FKBP1B: variants seen among roughly 807,000 people sequenced by gnomAD.
FKBP1B encodes the protein peptidyl-prolyl cis-trans isomerase FKBP1B.
In FKBP1B, 4 loss-of-function variants were observed where a neutral mutation model predicts 13.5. That is an observed-to-expected ratio of 0.30 (90% confidence interval 0.15 to 0.68). FKBP1B has a LOEUF of 0.68. FKBP1B is among the 30% of genes least tolerant of loss of function. The probability of loss-of-function intolerance (pLI) is 0.76; values close to 1 mark genes in which losing one functional copy is unlikely to be tolerated. For missense variants in FKBP1B, 93 were observed against 136.2 expected (o/e 0.68, Z 1.58); for synonymous variants, 54 against 53.6 (o/e 1.01, Z -0.03).
Position 24,060,830 on chromosome 2 carries a change from G to A in FKBP1B, c.102G>A (p.Gly34=), listed in dbSNP as rs770316941. Residue 34 remains glycine (G), a synonymous_variant, in exon 3 of 4, where the codon GGG becomes GGA. Coordinates refer to ENST00000380986, the MANE Select transcript of FKBP1B (RefSeq NM_004116.5). ...CTTTGACAGGAATGCTCCAAAATGG[G>A]AAGAAGTTTGATTCATCCAGAGACA... is the stretch of plus-strand genomic sequence containing the variant. ...VVHYTGMLQN[G]KKFDSSRDRN... is the part of the protein sequence containing the mutation. 5.6e-6 allele frequency: 9 copies of A among 1,613,928 alleles called. No individual in the cohort carries two copies. In the African/African-American group the frequency reaches 1.1e-4, roughly 19 times the overall value.
At chr2:24,052,947 T>G (rs1663947181) in intron 1 of FKBP1B, among the ~76,000 whole-genome samples, 1 of 152,008 alleles carries the variant, frequency 6.6e-6, no homozygotes. Context: ...CACTCCAGCC[T>G]GGGTGACACA....
intron 1 of FKBP1B, among the ~76,000 whole-genome samples, chr2:24,052,019 C>G (rs1223300191): frequency 6.6e-6 from 1 of 152,234 alleles, no homozygotes; most frequent in African/African-American, 2.4e-5. Context: ...AATAGTTGCA[C>G]TATTCATCCA....
At position 24,054,104 on chromosome 2, in the gene FKBP1B, C is replaced by T. The variant is rs190430161; in HGVS notation, c.85+155C>T. ...ACCAGCCATCCTCTACTCCTCCCAGCCAGTCTAGTGGGAATGATAAAGGAG... is the reference window on the plus strand; with the variant it reads ...ACCAGCCATCCTCTACTCCTCCCAGTCAGTCTAGTGGGAATGATAAAGGAG... On this transcript the variant is annotated intron_variant, in intron 2 of 3. Transcript: ENST00000380986. The T allele has an allele frequency of 8.2e-5, 61 of 746,560 alleles. No individual in the cohort carries two copies. In the African/African-American group the frequency reaches 9.5e-4, roughly 12 times the overall value. The allele number at this position is 746,560 out of a possible 1,614,324, so 46.2% of individuals were successfully genotyped here.
At chr2:24,062,149 G>A (rs959277557) in intron 3 of FKBP1B, among the ~76,000 whole-genome samples, 1 of 151,794 alleles carries the variant, frequency 6.6e-6, no homozygotes, top group Non-Finnish European at 1.5e-5. Context: ...GCGAGCCACC[G>A]TGCCCGGCCT....
upstream of FKBP1B, among the ~76,000 whole-genome samples, chr2:24,049,022 C>T (rs1469940616): frequency 6.6e-6 from 1 of 152,138 alleles, no homozygotes; most frequent in Non-Finnish European, 1.5e-5. Flanking sequence ...TCAGCAATTA[C>T]TGGTGTCCTC....
chr2:24,040,154 G>T, the FKBP1B span, among the ~76,000 whole-genome samples: 2 of 152,008 alleles, frequency 1.3e-5, no homozygotes, highest in African/African-American at 4.8e-5. Context: ...TGCAGGACAA[G>T]GTCCTTATTA....
chr2:24,049,866 A>G lies in FKBP1B; in HGVS notation c.17A>G (p.Glu6Gly). Residue 6 changes from glutamate to glycine, a missense_variant, in exon 1 of 4, where the codon GAG (glutamate) becomes GGG (glycine). Physicochemically the swap from Glu to Gly is moderately conservative, Grantham distance 98. Coordinates refer to ENST00000380986, the MANE Select transcript of FKBP1B (RefSeq NM_004116.5). MGVEI[E>G]TISPGDGRTF... ...GGGACCGCTATGGGCGTGGAGATCG[A>G]GACCATCTCCCCCGGAGACGGTACC... 1 of 1,426,800 alleles carries G rather than the reference A, an allele frequency of 7.0e-7. No individual in the cohort carries two copies. Among genetic ancestry groups the G allele is most frequent in the Admixed American group, 2.6e-5 (1 of 39,100 alleles). 88.4% of individuals were successfully genotyped at this position (1,426,800 alleles called of 1,614,324 possible).
chr2:24,055,137 C>T (rs2150964517), intron 2 of FKBP1B, among the ~76,000 whole-genome samples: 1 of 152,006 alleles, frequency 6.6e-6, no homozygotes, highest in African/African-American at 2.4e-5. Flanking sequence ...CCCAAAAGTC[C>T]CCCTGATGCC....
chr2:24,045,182 G>T (rs921385260), upstream of FKBP1B, among the ~76,000 whole-genome samples: 1 of 152,214 alleles, frequency 6.6e-6, no homozygotes, highest in Non-Finnish European at 1.5e-5. Flanking sequence ...TTTTAAGGCA[G>T]ATGGAATAGA....
At chr2:24,033,695 G>A in the FKBP1B span, among the ~76,000 whole-genome samples, 3 of 152,096 alleles carry the variant, frequency 2.0e-5, no homozygotes, top group Non-Finnish European at 4.4e-5. Flanking sequence ...GAGCTGAGAA[G>A]GTGCCACTGT....
chr2:24,059,198 A>T (rs1284026338), intron 2 of FKBP1B, among the ~76,000 whole-genome samples: 2 of 150,572 alleles, frequency 1.3e-5, no homozygotes, highest in Admixed American at 6.6e-5. Context: ...GACTGCCGGG[A>T]GCAGTCGTGG....
At chr2:24,047,757 GA>G (rs1663676735), upstream of FKBP1B, among the ~76,000 whole-genome samples, 1 of 152,158 alleles carries the variant, frequency 6.6e-6, no homozygotes, top group African/African-American at 2.4e-5. Context: ...AATCTCTCAG[GA>G]AAATGTTCTT....
intron 3 of FKBP1B, among the ~76,000 whole-genome samples, chr2:24,062,407 G>C (rs546476237): frequency 6.6e-6 from 1 of 152,096 alleles, no homozygotes; most frequent in Non-Finnish European, 1.5e-5. Flanking sequence ...TCGAACTCCT[G>C]ACCTCAGGTG....
chr2:24,038,537 C>T, the FKBP1B span: 1 of 1,614,216 alleles, frequency 6.2e-7, no homozygotes, highest in South Asian at 1.1e-5. Context: ...GTCACAAGGA[C>T]CAAATGTGAA....
intron 1 of FKBP1B, among the ~76,000 whole-genome samples, chr2:24,052,333 G>T (rs371309250): frequency 6.6e-6 from 1 of 152,152 alleles, no homozygotes; most frequent in East Asian, 1.9e-4. Context: ...ATTGCACTTA[G>T]TATTAAATCC....
chr2:24,038,613 C>T, the FKBP1B span: 1 of 1,614,148 alleles, frequency 6.2e-7, no homozygotes, highest in Non-Finnish European at 8.5e-7. Flanking sequence ...TACCCTCAGA[C>T]TTATGTTGAT....
At chr2:24,042,160 G>A in the FKBP1B span, among the ~76,000 whole-genome samples, 3 of 152,068 alleles carry the variant, frequency 2.0e-5, no homozygotes, top group Non-Finnish European at 2.9e-5. Flanking sequence ...CCAGCACTTT[G>A]GGAGCCCGAG....
Position 24,063,473 on chromosome 2 carries a change from T to TA in FKBP1B, c.*281_*282insA. ...CTTTCCTGATGACAGAACACAGATC[T>TA]CTTGTTCGCACAATCTACACTGCCT... On this transcript the variant is annotated 3_prime_UTR_variant, in exon 4 of 4. Coordinates refer to ENST00000380986, the MANE Select transcript of FKBP1B (RefSeq NM_004116.5). 2.8e-6 allele frequency: 1 copy of TA among 352,838 alleles called. No individual in the cohort carries two copies. The highest frequency in any genetic ancestry group is 5.1e-6 in the Non-Finnish European group (1 of 196,152). The allele number at this position is 352,838 out of a possible 1,614,324, so 21.9% of individuals were successfully genotyped here. A position where few individuals can be genotyped will look rare whatever the true frequency, so the allele number is the denominator to read the frequency against.
upstream of FKBP1B, among the ~76,000 whole-genome samples, chr2:24,048,470 CAAA>C (rs11367799): frequency 9.2e-5 from 8 of 87,032 alleles, no homozygotes; most frequent in Non-Finnish European, 6.8e-5. Flanking sequence ...GATTCTGTCT[CAAA>C]AAAAAAAAAA....
Sources: allele counts gnomAD v4.1 joint callset (sites outside exome capture counted in the v4.1 genomes callset), GRCh38; gene constraint gnomAD v4.1.1; transcripts MANE v1.5; gene names NCBI Gene and HGNC (gene_info 2026-07-23, HGNC 2026-07-21).